Variants in HCN4 observed in about 807,000 individuals in gnomAD.
HCN4 encodes hyperpolarization activated cyclic nucleotide gated potassium channel 4.
A neutral mutation model predicts 76.9 loss-of-function variants in HCN4; 29 were observed. The observed-to-expected ratio is 0.38, with a 90% CI of 0.28 to 0.51. HCN4 has a LOEUF of 0.51. HCN4 is among the 20% of genes least tolerant of loss of function. The pLI is 0.90. For missense variants in HCN4, 1,416 were observed against 1,715.2 expected, an observed-to-expected ratio of 0.83 and a Z score of 3.08; for synonymous variants, 772 against 762.5, an observed-to-expected ratio of 1.01 and a Z score of -0.21.
In HCN4 at chr15:73,324,223, GT is replaced by G; in HGVS notation, c.2008del (p.Thr670GlnfsTer4). ...GTAGGTGTCGGCCCTCACGCTGGCTGTGCGCCGGCCCCGGGTCAGCAGGCAG... is the reference window on the plus strand; with the variant it reads ...GTAGGTGTCGGCCCTCACGCTGGCTGGCGCCGGCCCCGGGTCAGCAGGCAG... ...EICLLTRGRRTASVRADTYCR... is the reference protein window; with the variant it reads ...EICLLTRGRRXASVRADTYCR... On this transcript the variant is annotated frameshift_variant, in exon 7 of 8. Coordinates refer to ENST00000261917, the MANE Select transcript of HCN4 (RefSeq NM_005477.3). LOFTEE classifies it high-confidence loss of function. The G allele has an allele frequency of 6.2e-7, 1 of 1,614,008 alleles. No homozygotes were observed. The highest frequency in any genetic ancestry group is 8.5e-7 in the Non-Finnish European group (1 of 1,179,954).
chr15:73,367,758 T>A lies in HCN4; in HGVS notation c.513A>T (p.Pro171=), dbSNP rs2151228493. 6.4e-7 allele frequency: 1 copy of A among 1,552,660 alleles called. No individual in the cohort carries two copies. Among genetic ancestry groups the A allele is most frequent in the Non-Finnish European group, 8.6e-7 (1 of 1,157,158 alleles). The part of the protein sequence containing the change: ...PAASPPPPQQ[P]PQPASASCEQ... ...CGCAGGAGGCGGAGGCCGGCTGCGG[T>A]GGCTGCTGGGGCGGCGGCGGCGAGG... Residue 171 remains proline, a synonymous_variant, in exon 1 of 8, where the codon CCA becomes CCT. Transcript: ENST00000261917. The surrounding 1 kb of genome is among the most constrained non-coding windows in gnomAD (Gnocchi z 7.5).
intron 6 of HCN4, 60 bp from the exon 7 acceptor site, chr15:73,324,313 G>C: frequency 6.4e-7 from 1 of 1,569,404 alleles, no homozygotes; most frequent in Non-Finnish European, 8.7e-7. Flanking sequence ...CAGGGGGACT[G>C]CCCACCCTGA....
chr15:73,368,542 CTG>C lies in HCN4; in HGVS notation c.-274_-273del, dbSNP rs1351465196. The C allele has an allele frequency of 3.7e-6, 1 of 273,282 alleles. No homozygotes were observed. Among genetic ancestry groups the C allele is most frequent in the Non-Finnish European group, 6.9e-6 (1 of 145,276 alleles). 16.9% of individuals were successfully genotyped at this position (273,282 alleles called of 1,614,324 possible). A position where few individuals can be genotyped will look rare whatever the true frequency, so the allele number is the denominator to read the frequency against. ...TCCCTTCTTGCCTCCCTCCCTCCCT[CTG>C]GCGTTCAGGGGCGCGGCGCGCCGCC... On this transcript the variant is annotated 5_prime_UTR_variant, in exon 1 of 8. Coordinates refer to ENST00000261917, the MANE Select transcript of HCN4 (RefSeq NM_005477.3). The surrounding 1 kb of genome is among the most constrained non-coding windows in gnomAD (Gnocchi z 6.9).
intron 1 of HCN4, among the ~76,000 whole-genome samples, chr15:73,344,990 G>A (rs539494514): frequency 1.3e-5 from 2 of 152,336 alleles, no homozygotes; most frequent in South Asian, 2.1e-4. Context: ...ATTAAGTGAG[G>A]CAGAAATAAG....
chr15:73,363,235 C>A (rs2043113861), intron 1 of HCN4, among the ~76,000 whole-genome samples: 1 of 152,230 alleles, frequency 6.6e-6, no homozygotes, highest in Non-Finnish European at 1.5e-5. Flanking sequence ...CAGAGTCAGG[C>A]TGCTGCCTCT....
chr15:73,368,331 C>A lies in HCN4; in HGVS notation c.-61G>T. On this transcript the variant is annotated 5_prime_UTR_variant, in exon 1 of 8. Transcript: ENST00000261917. The surrounding 1 kb of genome is among the most constrained non-coding windows in gnomAD (Gnocchi z 6.9). ...AGGAGCGCGGCGCCGCGGACGGGCTCCAGGTCCGCCCGCCGGTCAGTCCGC... is the reference window on the plus strand; with the variant it reads ...AGGAGCGCGGCGCCGCGGACGGGCTACAGGTCCGCCCGCCGGTCAGTCCGC... 1 of 1,210,222 alleles carries A rather than the reference C, an allele frequency of 8.3e-7. No individual in the cohort carries two copies. The highest frequency in any genetic ancestry group is 2.1e-5 in the South Asian group (1 of 48,012). The allele number at this position is 1,210,222 out of a possible 1,614,324, so 75.0% of individuals were successfully genotyped here.
At position 73,322,162 on chromosome 15, in the gene HCN4, C is replaced by A; in HGVS notation, c.*319G>T. On this transcript the variant is annotated 3_prime_UTR_variant, in exon 8 of 8. Coordinates refer to ENST00000261917, the MANE Select transcript of HCN4 (RefSeq NM_005477.3). Reference sequence around the variant, plus strand: ...ACATCTGCTCTAAGAACCGCCAACACTGGCCACTCCCACCCCTGCCCAGCC... The same window carrying A: ...ACATCTGCTCTAAGAACCGCCAACAATGGCCACTCCCACCCCTGCCCAGCC... The A allele has an allele frequency of 2.7e-6, 1 of 375,300 alleles. No individual in the cohort carries two copies. The highest frequency in any genetic ancestry group is 5.1e-6 in the Non-Finnish European group (1 of 196,722). 23.2% of individuals were successfully genotyped at this position (375,300 alleles called of 1,614,324 possible).
chr15:73,323,528 G>C lies in HCN4; in HGVS notation c.2565C>G (p.Ser855=). ...SPSQVDTPSS[S]SFHIQQLAGF... is the part of the protein sequence containing the mutation. The stretch of plus-strand genomic sequence containing the variant: ...CAGCCAGCTGTTGGATGTGGAAGGA[G>C]GATGAAGACGGTGTGTCCACCTGGG... The change falls in exon 8 of 8, where the codon TCC becomes TCG. Residue 855 remains serine, a synonymous_variant. Coordinates refer to ENST00000261917, the MANE Select transcript of HCN4 (RefSeq NM_005477.3). 1 of 1,601,214 alleles carries C rather than the reference G, an allele frequency of 6.2e-7. No homozygotes were observed. Among genetic ancestry groups the C allele is most frequent in the Non-Finnish European group, 8.5e-7 (1 of 1,179,854 alleles).
chr15:73,333,881 C>T (rs1021296027), intron 2 of HCN4, among the ~76,000 whole-genome samples: 2 of 152,188 alleles, frequency 1.3e-5, no homozygotes, highest in Admixed American at 6.5e-5. Context: ...CCCAAGATCA[C>T]GGTGGCAGTG....
intron 3 of HCN4, 93 bp downstream of exon 3, chr15:73,332,038 T>C (rs1253652176): frequency 3.1e-6 from 4 of 1,292,192 alleles, no homozygotes; most frequent in Non-Finnish European, 1.1e-6. Flanking sequence ...TCCTACATGC[T>C]GGAACTCAGA....
At chr15:73,324,369 G>T in intron 6 of HCN4, 116 bp from the exon 7 acceptor site, 1 of 1,161,832 alleles carries the variant, frequency 8.6e-7, no homozygotes, top group Non-Finnish European at 1.2e-6. Context: ...AGGCTCACAA[G>T]GCCCTGCCCC....
In HCN4 at chr15:73,328,841, T is replaced by C. The variant is rs1020414257; in HGVS notation, c.1590+732A>G. On this transcript the variant is annotated intron_variant, in intron 4 of 7. Transcript: ENST00000261917. The surrounding 1 kb of genome is among the most constrained non-coding windows in gnomAD (Gnocchi z 4.0). ...AGGAGCTGTGGCTTTGAGGTAGGCA[T>C]TGATGACAGAGAGAGGCCAGGGATG... 3.3e-5 allele frequency among the ~76,000 whole-genome samples: 5 copies of C among 152,050 alleles called. No homozygotes were observed. Among genetic ancestry groups the C allele is most frequent in the Non-Finnish European group, 5.9e-5 (4 of 68,018 alleles).
chr15:73,362,344 T>G (rs2043108493), intron 1 of HCN4, among the ~76,000 whole-genome samples: 1 of 152,162 alleles, frequency 6.6e-6, no homozygotes, highest in Non-Finnish European at 1.5e-5. Flanking sequence ...GGGCTAAGCA[T>G]GGAACAAGCG....
rs192808708 is a variant in HCN4 at position 73,343,321 on chromosome 15, C to A, written c.1209+64G>T. 4.8e-3 allele frequency: 7,225 copies of A among 1,507,706 alleles called. 33 individuals are homozygous for A. The highest frequency in any genetic ancestry group is 5.9e-3 in the Non-Finnish European group (6,432 of 1,091,164). The allele number at this position is 1,507,706 out of a possible 1,614,324, so 93.4% of individuals were successfully genotyped here. A position where few individuals can be genotyped will look rare whatever the true frequency, so the allele number is the denominator to read the frequency against. On this transcript the variant is annotated intron_variant, in intron 2 of 7. Transcript: ENST00000261917. This position sits in a 1 kb window ranked among gnomAD's most constrained non-coding sequence, Gnocchi z 5.7. ...ATGTTCAATTATCTGAGGTTCCCTG[C>A]CAGTTCCTCACTCCCTCTGTGGGGA...
At chr15:73,339,177 G>T (rs2042983539) in intron 2 of HCN4, among the ~76,000 whole-genome samples, 1 of 152,220 alleles carries the variant, frequency 6.6e-6, no homozygotes, top group Admixed American at 6.5e-5. Flanking sequence ...TAGCCTCCAT[G>T]CCTGGAACAA....
Position 73,325,324 on chromosome 15 carries a change from C to A in HCN4, c.1711G>T (p.Gly571Cys), listed in dbSNP as rs1319182551. 5.0e-6 allele frequency: 8 copies of A among 1,613,990 alleles called. No individual in the cohort carries two copies. The highest frequency in any genetic ancestry group is 3.3e-5 in the South Asian group (3 of 91,086). ...TCCCGCAGGGGCTCGCTTAGCTCGC[C>A]CAGGATGCTCTCCTCGTCGAACATC... ...GKMFDEESIL[G>C]ELSEPLREEI... The change falls in exon 5 of 8, where the codon GGC becomes TGC. Residue 571 changes from glycine to cysteine, a missense_variant. Gly to Cys is a radical substitution (Grantham distance 159). Transcript: ENST00000261917. This position sits in a 1 kb window ranked among gnomAD's most constrained non-coding sequence, Gnocchi z 7.4.
Position 73,367,525 on chromosome 15 carries a change from G to C in HCN4, c.746C>G (p.Ser249Trp). The C allele has an allele frequency of 6.2e-7, 1 of 1,614,054 alleles. No homozygotes were observed. The highest frequency in any genetic ancestry group is 8.5e-7 in the Non-Finnish European group (1 of 1,180,020). Residue 249 changes from serine to tryptophan, a missense_variant, in exon 1 of 8, where the codon TCG (serine) becomes TGG (tryptophan). Ser to Trp is a radical substitution (Grantham distance 177). Around this residue, in one of 6 missense-constraint regions of HCN4, gnomAD observed 52 missense variants for 129.1 expected, o/e 0.40. Transcript: ENST00000261917. This position sits in a 1 kb window ranked among gnomAD's most constrained non-coding sequence, Gnocchi z 7.5. ...GGGGTGGATAATCCAAAATCCGGCC[G>C]ACTTGACCCTCTCCTGTTCGCGCTC... ...AVEREQERVK[S>W]AGFWIIHPYS...
chr15:73,360,381 C>CA (rs1363967881), intron 1 of HCN4, among the ~76,000 whole-genome samples: 1 of 152,178 alleles, frequency 6.6e-6, no homozygotes, highest in African/African-American at 2.4e-5. Flanking sequence ...CTCTACTCCC[C>CA]ATCTATGAAA....
intron 2 of HCN4, among the ~76,000 whole-genome samples, chr15:73,340,490 A>C (rs1241589141): frequency 6.6e-6 from 1 of 152,152 alleles, no homozygotes; most frequent in African/African-American, 2.4e-5. Flanking sequence ...CTGCGACGGA[A>C]ACCAGGAGAC....
Sources: allele counts gnomAD v4.1 joint callset (sites outside exome capture counted in the v4.1 genomes callset), GRCh38; gene constraint gnomAD v4.1.1; regional missense constraint gnomAD v4.1.1; non-coding constraint Gnocchi (gnomAD v3.1); transcripts MANE v1.5; gene names NCBI Gene and HGNC (gene_info 2026-07-23, HGNC 2026-07-21).